The following SUPT3H variants were observed in gnomAD, a reference collection of about 807,000 sequenced individuals.
SUPT3H encodes transcription initiation protein SPT3 homolog.
Under a neutral mutation model 44.3 loss-of-function variants are expected in SUPT3H, and 44 were observed. That is an observed-to-expected ratio of 0.99 (90% CI 0.78 to 1.28). The LOEUF (loss-of-function observed/expected upper bound fraction) is 1.28, where lower values mean the gene tolerates loss of function less well. Ranked by LOEUF, SUPT3H falls within the 50% of genes most tolerant of loss-of-function variation. The pLI, the probability that SUPT3H is intolerant of heterozygous loss-of-function variation, is 0.00. For synonymous variants in SUPT3H, 124 were observed against 125.6 expected (o/e 0.99, Z 0.09); for missense variants, 380 against 387.1 (o/e 0.98, Z 0.15).
chr6:45,225,553 T>C (rs1766802175), intron 2 of SUPT3H, among the ~76,000 whole-genome samples: 1 of 152,176 alleles, frequency 6.6e-6, no homozygotes, highest in South Asian at 2.1e-4. Flanking sequence ...ATTCCACATA[T>C]GGAGAGAGAT....
intron 3 of SUPT3H, among the ~76,000 whole-genome samples, chr6:45,060,773 A>G (rs2153541994): frequency 6.6e-6 from 1 of 152,324 alleles, no homozygotes; most frequent in Admixed American, 6.5e-5. Flanking sequence ...CAACCCCATT[A>G]AAAAGTGGGC....
intron 2 of SUPT3H, among the ~76,000 whole-genome samples, chr6:45,335,517 CA>C (rs1439390141): frequency 6.6e-6 from 1 of 151,168 alleles, no homozygotes; most frequent in Non-Finnish European, 1.5e-5. Flanking sequence ...CATTAAAATA[CA>C]TTTTTTTAGA....
At chr6:45,061,922 A>T (rs1426312838) in intron 3 of SUPT3H, among the ~76,000 whole-genome samples, 20 of 132,826 alleles carry the variant, frequency 1.5e-4, no homozygotes, top group Non-Finnish European at 2.2e-4. Context: ...TTTGGCAAAG[A>T]CTCAAATTCT....
chr6:45,168,880 G>T (rs576556034), intron 2 of SUPT3H, among the ~76,000 whole-genome samples: 3 of 152,246 alleles, frequency 2.0e-5, no homozygotes, highest in African/African-American at 7.2e-5. Flanking sequence ...GTCATAAAGA[G>T]ACTTAAATTT....
chr6:44,869,403 ACT>A (rs2153429154), intron 10 of SUPT3H, among the ~76,000 whole-genome samples: 1 of 152,186 alleles, frequency 6.6e-6, no homozygotes, highest in Middle Eastern at 3.4e-3. Flanking sequence ...CAGAGGTGAA[ACT>A]CTGAGCAGTG....
chr6:44,844,764 G>C (rs1393117163), intron 10 of SUPT3H, among the ~76,000 whole-genome samples: 1 of 152,166 alleles, frequency 6.6e-6, no homozygotes, highest in African/African-American at 2.4e-5. Context: ...ACTATAATGA[G>C]ATGTCAGGAC....
chr6:45,089,826 G>A (rs1445852134), intron 3 of SUPT3H, among the ~76,000 whole-genome samples: 2 of 151,868 alleles, frequency 1.3e-5, no homozygotes, highest in Non-Finnish European at 2.9e-5. Flanking sequence ...TTCACAGTTC[G>A]ATATAAAATA....
In SUPT3H at chr6:45,233,343, A is replaced by C. The variant is rs118165733; in HGVS notation, c.102-127337T>G. 7.2e-5 allele frequency among the ~76,000 whole-genome samples: 11 copies of C among 152,316 alleles called. No individual in the cohort carries two copies. The East Asian group carries it at 1.4e-3, about 19-fold the overall frequency. ...GGTCCCGAAGACAGGATGCAGCTCCATGACAGCTATGTGCTCACGATGGTG... is the reference window on the plus strand; with the variant it reads ...GGTCCCGAAGACAGGATGCAGCTCCCTGACAGCTATGTGCTCACGATGGTG... On this transcript the variant is annotated intron_variant, in intron 2 of 10. Transcript: ENST00000371459.
At chr6:44,844,604 A>G (rs1023122919) in intron 10 of SUPT3H, among the ~76,000 whole-genome samples, 1 of 152,252 alleles carries the variant, frequency 6.6e-6, no homozygotes, top group Non-Finnish European at 1.5e-5. Context: ...ATGAACTTCA[A>G]ATGCATTATG....
At chr6:45,365,069 A>G (rs1719173543) in intron 2 of SUPT3H, 132 bp downstream of exon 2, 2 of 610,528 alleles carry the variant, frequency 3.3e-6, no homozygotes, top group South Asian at 3.5e-5. Flanking sequence ...ATGTTACCAC[A>G]GTATTTCATT....
chr6:44,818,099 GA>G (rs1364964577), intron 11 of SUPT3H, among the ~76,000 whole-genome samples: 2 of 152,068 alleles, frequency 1.3e-5, no homozygotes, highest in African/African-American at 4.8e-5. Flanking sequence ...TTAGTATCAG[GA>G]TAAACAAATA....
intron 3 of SUPT3H, among the ~76,000 whole-genome samples, chr6:45,093,697 T>C (rs894509972): frequency 1.3e-5 from 2 of 152,142 alleles, no homozygotes; most frequent in Non-Finnish European, 2.9e-5. Context: ...GACTGAACAG[T>C]TACTCTTCAC....
At chr6:45,041,482 A>C (rs1788527075) in intron 3 of SUPT3H, among the ~76,000 whole-genome samples, 1 of 152,210 alleles carries the variant, frequency 6.6e-6, no homozygotes, top group South Asian at 2.1e-4. Context: ...CAATGGTGAA[A>C]GAGAAATAAG....
chr6:45,309,948 T>C (rs143816865), intron 2 of SUPT3H, among the ~76,000 whole-genome samples: 29 of 152,194 alleles, frequency 1.9e-4, no homozygotes, highest in Admixed American at 1.4e-3. Context: ...CCAGCAATCC[T>C]GAGAGGACCC....
chr6:45,218,675 G>A (rs575218488), intron 2 of SUPT3H, among the ~76,000 whole-genome samples: 232 of 152,196 alleles, frequency 1.5e-3, no homozygotes, highest in African/African-American at 5.4e-3. Flanking sequence ...CGGAGGTTGC[G>A]GTGAGCTGAG....
At chr6:45,139,618 T>C (rs1804845709) in intron 2 of SUPT3H, among the ~76,000 whole-genome samples, 1 of 152,076 alleles carries the variant, frequency 6.6e-6, no homozygotes, top group South Asian at 2.1e-4. Context: ...ATATCCCCAC[T>C]GAAGAATGTG....
rs376479469 is a variant in SUPT3H at position 44,888,860 on chromosome 6, G to C, written c.912+43793C>G. On this transcript the variant is annotated intron_variant, in intron 10 of 10. Coordinates refer to ENST00000371459, the MANE Select transcript of SUPT3H (RefSeq NM_003599.4). The stretch of plus-strand genomic sequence containing the variant: ...TGCAGATGACATGATTGTATATCTA[G>C]AAAACCCCATCGTCTCAGCCCAAAA... Among the ~76,000 whole-genome samples, 66 of 148,600 alleles carry C rather than the reference G, an allele frequency of 4.4e-4. 1 individual carries two copies. In the East Asian group the frequency reaches 0.011, roughly 24 times the overall value.
chr6:44,866,492 A>AAT (rs1040967697), intron 10 of SUPT3H, among the ~76,000 whole-genome samples: 9 of 147,974 alleles, frequency 6.1e-5, no homozygotes, highest in Middle Eastern at 3.2e-3. Flanking sequence ...TCTCTTAGGT[A>AAT]ATATATATAT....
intron 3 of SUPT3H, among the ~76,000 whole-genome samples, chr6:45,054,117 C>T (rs1488437080): frequency 6.6e-6 from 1 of 151,902 alleles, no homozygotes; most frequent in Non-Finnish European, 1.5e-5. Flanking sequence ...ATTTGCATGC[C>T]TTTCTATTGT....
Sources: gnomAD v4.1 joint callset for allele counts (sites outside exome capture counted in the v4.1 genomes callset) on GRCh38, gnomAD v4.1.1 for gene constraint, MANE v1.5 for transcripts, NCBI Gene and HGNC (gene_info 2026-07-23, HGNC 2026-07-21) for gene names.